Variants in TIRAP observed in about 807,000 individuals in gnomAD.
TIRAP encodes the protein TIR domain containing adaptor protein.
Under a neutral mutation model 19.8 loss-of-function variants are expected in TIRAP, and 20 were observed. The ratio of observed to expected loss-of-function variants is 1.01; its 90% CI spans 0.71 to 1.47. The LOEUF (loss-of-function observed/expected upper bound fraction) is 1.47, where lower values mean the gene tolerates loss of function less well. Among genes scored for constraint, TIRAP ranks in the 40% most tolerant of loss-of-function variants. The probability of loss-of-function intolerance (pLI) is 0.00; values close to 1 mark genes in which losing one functional copy is unlikely to be tolerated. For missense variants in TIRAP, 276 were observed against 285.1 expected (o/e 0.97, Z 0.23); for synonymous variants, 125 against 121.7 (o/e 1.03, Z -0.18).
chr11:126,292,391 T>C (rs1405713814), intron 3 of TIRAP, 86 bp from the exon 4 acceptor site: 5 of 1,464,202 alleles, frequency 3.4e-6, no homozygotes, highest in Non-Finnish European at 3.7e-6. Flanking sequence ...CTGTCTGTCC[T>C]CCCTGTGAGG....
At chr11:126,283,249 G>A (rs1000988569) in intron 1 of TIRAP, 96 bp downstream of exon 1, 3 of 697,144 alleles carry the variant, frequency 4.3e-6, no homozygotes, top group Non-Finnish European at 3.5e-6. Flanking sequence ...CAGAGTCCCG[G>A]CCCCACCGAG....
In TIRAP at chr11:126,293,650, GT is replaced by G; in HGVS notation, c.647-17del. ...TGGGTTTGGGAGGTGTGACAACGCT[GT>G]GATTGGTCTCTTTCAGATCTGCAGA... On this transcript the variant is annotated splice_polypyrimidine_tract_variant and intron_variant, in intron 4 of 4. Transcript: ENST00000392679. 1 of 1,613,920 alleles carries G rather than the reference GT, an allele frequency of 6.2e-7. No homozygotes were observed. Among genetic ancestry groups the G allele is most frequent in the Non-Finnish European group, 8.5e-7 (1 of 1,179,864 alleles).
rs764686283 is a variant in TIRAP, at chr11:126,290,553, G to T, written c.-125G>T. The T allele has an allele frequency of 1.3e-5, 14 of 1,044,816 alleles. No homozygotes were observed. Among genetic ancestry groups the T allele is most frequent in the Non-Finnish European group, 1.4e-5 (12 of 869,554 alleles). 64.7% of individuals were successfully genotyped at this position (1,044,816 alleles called of 1,614,324 possible). A position where few individuals can be genotyped will look rare whatever the true frequency, so the allele number is the denominator to read the frequency against. On this transcript the variant is annotated 5_prime_UTR_variant, in exon 2 of 5. Coordinates refer to ENST00000392679, the MANE Select transcript of TIRAP (RefSeq NM_001318777.2). The surrounding 1 kb of genome is among the most constrained non-coding windows in gnomAD (Gnocchi z 4.9). ...TCCTGGCCAGGTGGAGCAGAGAACA[G>T]TTCCTCAGCTGGTCATGCTGAGCTC...
In TIRAP at chr11:126,291,321, C is replaced by T. The variant is rs1292233323; in HGVS notation, c.67+360C>T. On this transcript the variant is annotated intron_variant, in intron 3 of 4. Transcript: ENST00000392679. This position sits in a 1 kb window ranked among gnomAD's most constrained non-coding sequence, Gnocchi z 5.6. ...CAGAGAGAGAAAATGAATCAATCCC[C>T]ACCACAACTATCTGTCCTTATCAAA... is the stretch of plus-strand genomic sequence containing the variant. The T allele has an allele frequency of 1.5e-6, 1 of 667,252 alleles. No individual in the cohort carries two copies. Among genetic ancestry groups the T allele is most frequent in the East Asian group, 5.8e-5 (1 of 17,244 alleles). 41.3% of individuals were successfully genotyped at this position (667,252 alleles called of 1,614,324 possible).
intron 1 of TIRAP, chr11:126,289,807 C>A: frequency 1.0e-6 from 1 of 985,422 alleles, no homozygotes. Context: ...GGGACATCCT[C>A]TGTCACTACG....
In TIRAP at chr11:126,294,568, A is replaced by G. The variant is rs755942046; in HGVS notation, c.*881A>G. 1.1e-4 allele frequency: 49 copies of G among 456,152 alleles called. No homozygotes were observed. Among genetic ancestry groups the G allele is most frequent in the Middle Eastern group, 3.2e-4 (1 of 3,098 alleles). 28.3% of individuals were successfully genotyped at this position (456,152 alleles called of 1,614,324 possible). On this transcript the variant is annotated 3_prime_UTR_variant, in exon 5 of 5. Transcript: ENST00000392679. Reference sequence around the variant, plus strand: ...CCATCTTCACCTTTGGACTGGGAAGAATCACCATTTTTCTTCTGGCAGATG... The same window carrying G: ...CCATCTTCACCTTTGGACTGGGAAGGATCACCATTTTTCTTCTGGCAGATG...
rs1430177615 is a variant in TIRAP, at chr11:126,287,479, C to T, written c.-216-2983C>T. 5.9e-5 allele frequency among the ~76,000 whole-genome samples: 9 copies of T among 151,940 alleles called. No individual in the cohort carries two copies. Among genetic ancestry groups the T allele is most frequent in the Non-Finnish European group, 1.0e-4 (7 of 68,026 alleles). ...GGGATTACAGGCACGCACCACCACGCTTAGCTAATTTTTGTATTTTTAGTA... is the reference window on the plus strand; with the variant it reads ...GGGATTACAGGCACGCACCACCACGTTTAGCTAATTTTTGTATTTTTAGTA... On this transcript the variant is annotated intron_variant, in intron 1 of 4. Coordinates refer to ENST00000392679, the MANE Select transcript of TIRAP (RefSeq NM_001318777.2). The surrounding 1 kb of genome is among the most constrained non-coding windows in gnomAD (Gnocchi z 4.2).
rs1951336184 is a variant in TIRAP at position 126,287,557 on chromosome 11, G to A, written c.-216-2905G>A. Reference sequence around the variant, plus strand: ...GCTGATCTCAAATTCCTGACCTCATGATCCGCCCACCTCGGCCTCCCAAAG... The same window carrying A: ...GCTGATCTCAAATTCCTGACCTCATAATCCGCCCACCTCGGCCTCCCAAAG... On this transcript the variant is annotated intron_variant, in intron 1 of 4. Coordinates refer to ENST00000392679, the MANE Select transcript of TIRAP (RefSeq NM_001318777.2). This position sits in a 1 kb window ranked among gnomAD's most constrained non-coding sequence, Gnocchi z 4.2. Among the ~76,000 whole-genome samples, 1 of 152,042 alleles carries A rather than the reference G, an allele frequency of 6.6e-6. No homozygotes were observed. The highest frequency in any genetic ancestry group is 1.5e-5 in the Non-Finnish European group (1 of 68,022).
rs1018026657 is a variant in TIRAP, at chr11:126,287,310, C to T, written c.-216-3152C>T. 6.7e-6 allele frequency among the ~76,000 whole-genome samples: 1 copy of T among 150,362 alleles called. No individual in the cohort carries two copies. Among genetic ancestry groups the T allele is most frequent in the African/African-American group, 2.4e-5 (1 of 41,144 alleles). On this transcript the variant is annotated intron_variant, in intron 1 of 4. Transcript: ENST00000392679. This position sits in a 1 kb window ranked among gnomAD's most constrained non-coding sequence, Gnocchi z 4.2. The stretch of plus-strand genomic sequence containing the variant: ...CCAGTTTGATATTGGATACTAAATA[C>T]ACTTTGGATTTTTTTTTTTTTATTT...
intron 1 of TIRAP, among the ~76,000 whole-genome samples, chr11:126,289,372 G>A (rs1392009625): frequency 1.3e-5 from 2 of 152,180 alleles, no homozygotes; most frequent in Non-Finnish European, 2.9e-5. Context: ...TCCGCCTCCA[G>A]GTTCAAGAGA....
Position 126,290,470 on chromosome 11 carries a change from T to C in TIRAP, c.-208T>C, listed in dbSNP as rs1565364284. 1.0e-5 allele frequency: 10 copies of C among 994,298 alleles called. No individual in the cohort carries two copies. Among genetic ancestry groups the C allele is most frequent in the Non-Finnish European group, 1.2e-5 (10 of 836,052 alleles). The allele number at this position is 994,298 out of a possible 1,614,324, so 61.6% of individuals were successfully genotyped here. A position where few individuals can be genotyped will look rare whatever the true frequency, so the allele number is the denominator to read the frequency against. ...TTCTTCTGCCATTTCAGGCCTTACATAGGAAGTCCTTCTAAAGAGCTGCCT... is the reference window on the plus strand; with the variant it reads ...TTCTTCTGCCATTTCAGGCCTTACACAGGAAGTCCTTCTAAAGAGCTGCCT... On this transcript the variant is annotated 5_prime_UTR_variant, in exon 2 of 5. Coordinates refer to ENST00000392679, the MANE Select transcript of TIRAP (RefSeq NM_001318777.2). This position sits in a 1 kb window ranked among gnomAD's most constrained non-coding sequence, Gnocchi z 4.9.
chr11:126,293,966 A>C lies in TIRAP; in HGVS notation c.*279A>C. Reference sequence around the variant, plus strand: ...CTGGGGACTCCCCAAGAAGGCCATGAGGAAGCCAGAAATTGGAGGTGGTAG... The same window carrying C: ...CTGGGGACTCCCCAAGAAGGCCATGCGGAAGCCAGAAATTGGAGGTGGTAG... On this transcript the variant is annotated 3_prime_UTR_variant, in exon 5 of 5. Coordinates refer to ENST00000392679, the MANE Select transcript of TIRAP (RefSeq NM_001318777.2). The C allele has an allele frequency of 4.0e-6, 2 of 505,020 alleles. No individual in the cohort carries two copies. Among genetic ancestry groups the C allele is most frequent in the Non-Finnish European group, 3.6e-6 (1 of 277,798 alleles). 31.3% of individuals were successfully genotyped at this position (505,020 alleles called of 1,614,324 possible).
In TIRAP at chr11:126,294,667, T is replaced by C. The variant is rs762748045; in HGVS notation, c.*980T>C. 2 of 406,820 alleles carry C rather than the reference T, an allele frequency of 4.9e-6. No individual in the cohort carries two copies. Among genetic ancestry groups the C allele is most frequent in the Non-Finnish European group, 1.0e-5 (2 of 200,604 alleles). 25.2% of individuals were successfully genotyped at this position (406,820 alleles called of 1,614,324 possible). On this transcript the variant is annotated 3_prime_UTR_variant, in exon 5 of 5. Coordinates refer to ENST00000392679, the MANE Select transcript of TIRAP (RefSeq NM_001318777.2). ...AAGTTTGTTGTTGAACTGAAATGAA[T>C]TTCATTATTTCCTCCAATGTGTACT...
intron 1 of TIRAP, among the ~76,000 whole-genome samples, chr11:126,285,231 A>ATGTGTG (rs149540450): frequency 0.019 from 2,468 of 128,524 alleles, 68 homozygotes; most frequent in African/African-American, 0.029. Context: ...TATTGGATAT[A>ATGTGTG]TGTGTGTGTG....
rs748902355 is a variant in TIRAP at position 126,293,032 on chromosome 11, A to C, written c.623A>C (p.Gln208Pro). ...DGRGPDGGFR[Q>P]VKEAVMRYLQ... ...AGGGGCCCTGATGGTGGCTTTCGTC[A>C]AGTCAAAGAAGCTGTCATGCGTTGT... Residue 208 changes from glutamine to proline, a missense_variant, in exon 4 of 5, where the codon CAA becomes CCA. Physicochemically the swap from Gln to Pro is moderately conservative, Grantham distance 76 (BLOSUM62 -1). Coordinates refer to ENST00000392679, the MANE Select transcript of TIRAP (RefSeq NM_001318777.2). 1 of 1,614,188 alleles carries C rather than the reference A, an allele frequency of 6.2e-7. No individual in the cohort carries two copies. Among genetic ancestry groups the C allele is most frequent in the Non-Finnish European group, 8.5e-7 (1 of 1,180,028 alleles).
chr11:126,294,479 A>G lies in TIRAP; in HGVS notation c.*792A>G, dbSNP rs1178381239. On this transcript the variant is annotated 3_prime_UTR_variant, in exon 5 of 5. Coordinates refer to ENST00000392679, the MANE Select transcript of TIRAP (RefSeq NM_001318777.2). ...TGCCTTCACCTGAGATCACAAGCCC[A>G]TGGATGCTGTGACATCTGGGAGCTT... The G allele has an allele frequency of 4.4e-6, 2 of 456,012 alleles. No individual in the cohort carries two copies. Among genetic ancestry groups the G allele is most frequent in the Non-Finnish European group, 8.8e-6 (2 of 226,888 alleles). 28.2% of individuals were successfully genotyped at this position (456,012 alleles called of 1,614,324 possible).
Position 126,292,618 on chromosome 11 carries a change from C to T in TIRAP, c.209C>T (p.Pro70Leu), listed in dbSNP as rs1477626241. The T allele has an allele frequency of 6.2e-7, 1 of 1,614,194 alleles. No individual in the cohort carries two copies. Among genetic ancestry groups the T allele is most frequent in the South Asian group, 1.1e-5 (1 of 91,082 alleles). The change falls in exon 4 of 5, where the codon CCA becomes CTA. Residue 70 changes from proline (P) to leucine (L), a missense_variant. Coordinates refer to ENST00000392679, the MANE Select transcript of TIRAP (RefSeq NM_001318777.2). Reference sequence around the variant, plus strand: ...AGCTCAGTCACGTCTCCCAGCCTGCCACCCACACATGCGAGTGACAGTGGC... The same window carrying T: ...AGCTCAGTCACGTCTCCCAGCCTGCTACCCACACATGCGAGTGACAGTGGC... ...SLSSVTSPSL[P>L]PTHASDSGSS... is the part of the protein sequence containing the mutation.
At chr11:126,285,307 G>A (rs11220440) in intron 1 of TIRAP, among the ~76,000 whole-genome samples, 17,590 of 148,364 alleles carry the variant, frequency 0.12, 1,069 homozygotes, top group African/African-American at 0.14. Context: ...TGTCACCCAG[G>A]CTGCAGTGCA....
intron 1 of TIRAP, 51 bp downstream of exon 1, chr11:126,283,204 T>A: frequency 1.1e-6 from 1 of 934,580 alleles, no homozygotes; most frequent in South Asian, 4.9e-5. Context: ...CGGGGCTCCG[T>A]GGGGTGGGCG....
Sources: gnomAD v4.1 joint callset for allele counts (sites outside exome capture counted in the v4.1 genomes callset) on GRCh38, gnomAD v4.1.1 for gene constraint, Gnocchi (gnomAD v3.1) non-coding constraint, MANE v1.5 for transcripts, NCBI Gene and HGNC (gene_info 2026-07-23, HGNC 2026-07-21) for gene names.